Variants in ACO2 observed in about 807,000 individuals in gnomAD.
ACO2 encodes the protein aconitase 2.
A neutral mutation model predicts 84.5 loss-of-function variants in ACO2; 31 were observed. That is an observed-to-expected ratio of 0.37 (90% confidence interval 0.28 to 0.50). The LOEUF is 0.50. Ranked by LOEUF, ACO2 falls within the 20% of genes least tolerant of loss-of-function variation. The pLI is 0.97. For synonymous variants in ACO2, 414 were observed against 412.7 expected (o/e 1.00, Z -0.04); for missense variants, 685 against 1,029.3 (o/e 0.67, Z 4.58).
chr22:41,527,456 C>T (rs375189553), intron 16 of ACO2, 36 bp downstream of exon 16: 7 of 1,578,814 alleles, frequency 4.4e-6, no homozygotes, highest in Non-Finnish European at 6.0e-6. Flanking sequence ...ATCCTCATCC[C>T]ATCCCTAGTG....
intron 2 of ACO2, among the ~76,000 whole-genome samples, chr22:41,503,404 C>G (rs2066368026): frequency 6.6e-6 from 1 of 152,018 alleles, no homozygotes; most frequent in African/African-American, 2.4e-5. Flanking sequence ...GATCTCGGCT[C>G]ACTGCAACCT....
chr22:41,487,405 C>T (rs1184003306), intron 1 of ACO2, among the ~76,000 whole-genome samples: 1 of 152,220 alleles, frequency 6.6e-6, no homozygotes, highest in Admixed American at 6.5e-5. Flanking sequence ...GTCACTTACA[C>T]AGTCCCTTGA....
rs2066493846 is a variant in ACO2 at position 41,518,523 on chromosome 22, C to G, written c.983C>G (p.Pro328Arg). 1.2e-6 allele frequency: 2 copies of G among 1,613,910 alleles called. No homozygotes were observed. The highest frequency in any genetic ancestry group is 1.1e-5 in the South Asian group (1 of 91,070). The part of the protein sequence containing the change: ...LADEFKDHLV[P>R]DPGCHYDQLI... ...GATGAATTCAAGGATCACTTGGTGC[C>G]TGACCCTGGCTGCCATTATGACCAA... is the stretch of plus-strand genomic sequence containing the variant. The change falls in exon 8 of 18, where the codon CCT (proline) becomes CGT (arginine). Residue 328 changes from proline (P) to arginine (R), a missense_variant. This residue lies in a region of ACO2 where 311 missense variants were observed against 441.6 expected (regional missense o/e 0.70). Coordinates refer to ENST00000216254, the MANE Select transcript of ACO2 (RefSeq NM_001098.3).
At chr22:41,474,289 AT>A (rs755814518) in intron 1 of ACO2, among the ~76,000 whole-genome samples, 2,264 of 119,188 alleles carry the variant, frequency 0.019, 43 homozygotes, top group African/African-American at 0.063. Context: ...GTTTGCAGTC[AT>A]TTTTTTTTTT....
chr22:41,526,802 G>C (rs2066607998), intron 15 of ACO2: 1 of 333,530 alleles, frequency 3.0e-6, no homozygotes. Flanking sequence ...GGCAGAGAGG[G>C]TCTGAGGTGA....
At chr22:41,527,249 C>CT in intron 15 of ACO2, 39 bp from the exon 16 acceptor site, 1 of 1,613,504 alleles carries the variant, frequency 6.2e-7, no homozygotes, top group Non-Finnish European at 8.5e-7. Flanking sequence ...GGACGGTGCC[C>CT]TCCTCTGCCT....
At chr22:41,473,754 C>T (rs1161209229) in intron 1 of ACO2, among the ~76,000 whole-genome samples, 1 of 152,146 alleles carries the variant, frequency 6.6e-6, no homozygotes, top group Non-Finnish European at 1.5e-5. Flanking sequence ...TGAACTGGGA[C>T]TTAAATGATA....
At chr22:41,495,689 C>T (rs1569008050) in intron 1 of ACO2, among the ~76,000 whole-genome samples, 2 of 149,576 alleles carry the variant, frequency 1.3e-5, no homozygotes, top group Non-Finnish European at 1.5e-5. Context: ...GATGTGATCT[C>T]GGCTCACTGC....
At chr22:41,495,025 CGCCCA>C (rs572136062) in intron 1 of ACO2, among the ~76,000 whole-genome samples, 1 of 151,522 alleles carries the variant, frequency 6.6e-6, no homozygotes, top group South Asian at 2.1e-4. Flanking sequence ...TGAGTCTCCA[CGCCCA>C]GCCTGTTTTG....
intron 1 of ACO2, among the ~76,000 whole-genome samples, chr22:41,479,196 C>T (rs906693365): frequency 6.6e-6 from 1 of 152,134 alleles, no homozygotes; most frequent in South Asian, 2.1e-4. Flanking sequence ...CTCAGCCACC[C>T]GTCCTGGAAC....
At chr22:41,485,319 A>T (rs1465699470) in intron 1 of ACO2, among the ~76,000 whole-genome samples, 2 of 150,508 alleles carry the variant, frequency 1.3e-5, no homozygotes, top group Non-Finnish European at 3.0e-5. Flanking sequence ...TTTTTTTTCG[A>T]GATGGAGTTT....
chr22:41,508,140 C>A, intron 3 of ACO2, 91 bp downstream of exon 3: 1 of 1,472,244 alleles, frequency 6.8e-7, no homozygotes. Context: ...GGCATTGCCT[C>A]CAAATTCTCA....
intron 14 of ACO2, chr22:41,525,751 C>T (rs1035224110): frequency 8.6e-6 from 2 of 233,376 alleles, no homozygotes; most frequent in East Asian, 2.1e-4. Context: ...CAGTTGGGCA[C>T]CCGTGGATAT....
At chr22:41,493,560 T>C (rs559696797) in intron 1 of ACO2, among the ~76,000 whole-genome samples, 1 of 152,302 alleles carries the variant, frequency 6.6e-6, no homozygotes, top group South Asian at 2.1e-4. Flanking sequence ...AATGAGCAGA[T>C]AGACTAGTGA....
chr22:41,499,574 C>T (rs2066338930), intron 1 of ACO2, 152 bp from the exon 2 acceptor site: 1 of 833,424 alleles, frequency 1.2e-6, no homozygotes, highest in Non-Finnish European at 1.9e-6. Flanking sequence ...GCTTTGTCAT[C>T]CCTGTCCTGC....
chr22:41,494,898 TA>T (rs2066302395), intron 1 of ACO2, among the ~76,000 whole-genome samples: 1 of 151,178 alleles, frequency 6.6e-6, no homozygotes, highest in Non-Finnish European at 1.5e-5. Context: ...CACACCCTGC[TA>T]ATTTTTGTAT....
chr22:41,484,025 T>C (rs2038120463), intron 1 of ACO2, among the ~76,000 whole-genome samples: 1 of 152,030 alleles, frequency 6.6e-6, no homozygotes, highest in Admixed American at 6.6e-5. Flanking sequence ...GATGGAGAGT[T>C]TGAGAATGAA....
chr22:41,484,526 C>T (rs1569002996), intron 1 of ACO2, among the ~76,000 whole-genome samples: 1 of 151,900 alleles, frequency 6.6e-6, no homozygotes, highest in South Asian at 2.1e-4. Flanking sequence ...CTTTTTATAA[C>T]GGAGGAAAAA....
chr22:41,499,843 A>G lies in ACO2; in HGVS notation c.154A>G (p.Ile52Val). ...CCATTATGACCTGCTAGAGAAGAAC[A>G]TTAACATTGTTCGCAAACGGTAAGG... ...YIHYDLLEKN[I>V]NIVRKRLNRP... Residue 52 changes from isoleucine (I) to valine (V), a missense_variant, in exon 2 of 18, where the codon ATT becomes GTT. Coordinates refer to ENST00000216254, the MANE Select transcript of ACO2 (RefSeq NM_001098.3). 3 of 1,614,164 alleles carry G rather than the reference A, an allele frequency of 1.9e-6. No individual in the cohort carries two copies. The highest frequency in any genetic ancestry group is 1.3e-5 in the African/African-American group (1 of 75,056).
Sources: allele counts gnomAD v4.1 joint callset (sites outside exome capture counted in the v4.1 genomes callset), GRCh38; gene constraint gnomAD v4.1.1; regional missense constraint gnomAD v4.1.1; transcripts MANE v1.5; gene names NCBI Gene and HGNC (gene_info 2026-07-23, HGNC 2026-07-21).